ANKRD30BL: variants seen among roughly 807,000 people sequenced by gnomAD.
ANKRD30BL encodes ankyrin repeat domain 30B like, also known as putative ankyrin repeat domain-containing protein 30B-like.
In ANKRD30BL, 20 loss-of-function variants were observed where a neutral mutation model predicts 18.4. The ratio of observed to expected loss-of-function variants is 1.09; its 90% CI spans 0.77 to 1.58. The LOEUF (loss-of-function observed/expected upper bound fraction) is 1.58, where lower values mean the gene tolerates loss of function less well. Ranked by LOEUF, ANKRD30BL falls within the 40% of genes most tolerant of loss-of-function variation. ANKRD30BL has a pLI of 0.00. For synonymous variants in ANKRD30BL, 72 were observed against 100.9 expected (o/e 0.71, Z 1.72); for missense variants, 224 against 268.6 (o/e 0.83, Z 1.16).
intron 1 of ANKRD30BL, among the ~76,000 whole-genome samples, chr2:132,207,109 C>T (rs955661812): frequency 6.6e-6 from 1 of 152,132 alleles, no homozygotes; most frequent in African/African-American, 2.4e-5. Context: ...GTCATACCCT[C>T]ACAGACATCA....
At chr2:132,193,934 C>A (rs1372278316) in intron 1 of ANKRD30BL, among the ~76,000 whole-genome samples, 3 of 151,524 alleles carry the variant, frequency 2.0e-5, no homozygotes, top group Admixed American at 6.6e-5. Context: ...GTCCAGTAAC[C>A]AAAAGACAAG....
chr2:132,160,014 T>A (rs1688012414), intron 1 of ANKRD30BL, among the ~76,000 whole-genome samples: 1 of 152,232 alleles, frequency 6.6e-6, no homozygotes, highest in Non-Finnish European at 1.5e-5. Context: ...ATTATCAAGT[T>A]CTAAATTCTT....
chr2:132,184,231 C>A (rs879998114), intron 1 of ANKRD30BL, among the ~76,000 whole-genome samples: 1 of 152,068 alleles, frequency 6.6e-6, no homozygotes, highest in East Asian at 1.9e-4. Flanking sequence ...TGCCACCATG[C>A]CTGGCTAATT....
chr2:132,222,204 A>T (rs1679710962), intron 1 of ANKRD30BL, among the ~76,000 whole-genome samples: 1 of 137,428 alleles, frequency 7.3e-6, no homozygotes, highest in Non-Finnish European at 1.6e-5. Flanking sequence ...CCCGTCCGGG[A>T]GGGTGGTGGG....
chr2:132,203,899 T>C lies in ANKRD30BL; in HGVS notation n.442-46753A>G, dbSNP rs143887627. Among the ~76,000 whole-genome samples the C allele has an allele frequency of 5.6e-4, 86 of 152,272 alleles. 1 individual carries two copies. In the East Asian group the frequency reaches 0.016, roughly 28 times the overall value. On this transcript the variant is annotated intron_variant and non_coding_transcript_variant, in intron 1 of 4. Coordinates refer to the ANKRD30BL transcript ENST00000470729. ...TGATTGATGTTTAGATACTTTCAGA[T>C]GGCTTGTAATCTTGTACTTTCAACA... is the stretch of plus-strand genomic sequence containing the variant.
intron 1 of ANKRD30BL, among the ~76,000 whole-genome samples, chr2:132,167,737 T>C (rs573806665): frequency 5.9e-5 from 9 of 152,344 alleles, no homozygotes; most frequent in Non-Finnish European, 4.4e-5. Context: ...TTTCTTAGGA[T>C]TGATTATATG....
intron 1 of ANKRD30BL, among the ~76,000 whole-genome samples, chr2:132,247,223 A>G (rs1010838781): frequency 5.3e-5 from 8 of 150,484 alleles, no homozygotes; most frequent in African/African-American, 1.5e-4. Context: ...AGAGTTGAAC[A>G]TTCCCTTTCA....
chr2:132,225,363 T>C (rs1311853801), intron 1 of ANKRD30BL, among the ~76,000 whole-genome samples: 1 of 152,142 alleles, frequency 6.6e-6, no homozygotes, highest in Non-Finnish European at 1.5e-5. Flanking sequence ...GAAACTTCTT[T>C]GTGATGTTTG....
chr2:132,162,968 G>T (rs1052615275), upstream of ANKRD30BL, among the ~76,000 whole-genome samples: 6 of 150,820 alleles, frequency 4.0e-5, no homozygotes, highest in African/African-American at 1.5e-4. Flanking sequence ...GGGCTTCAAG[G>T]TTCCTGAGAG....
chr2:132,187,377 T>C (rs1487617650), intron 1 of ANKRD30BL, among the ~76,000 whole-genome samples: 2 of 151,896 alleles, frequency 1.3e-5, no homozygotes, highest in African/African-American at 4.8e-5. Flanking sequence ...GTAGTTTTAG[T>C]AGAGATGGGG....
At chr2:132,220,284 C>G (rs1024481520) in intron 1 of ANKRD30BL, among the ~76,000 whole-genome samples, 32 of 146,318 alleles carry the variant, frequency 2.2e-4, no homozygotes, top group African/African-American at 8.0e-4. Context: ...TTTTTGGCCT[C>G]TCCCTCTCCC....
Position 132,173,450 on chromosome 2 carries a change from C to T in ANKRD30BL, n.442-16304G>A, listed in dbSNP as rs571201518. On this transcript the variant is annotated intron_variant and non_coding_transcript_variant, in intron 1 of 4. Transcript: ENST00000470729. ...AAGTAGCTGGGACTACAGGCCACCA[C>T]GCCCGGCTAATTTTGGTTTTGTACT... 2.0e-4 allele frequency among the ~76,000 whole-genome samples: 30 copies of T among 152,004 alleles called. No homozygotes were observed. In the South Asian group the frequency reaches 4.2e-3, roughly 21 times the overall value.
chr2:132,256,116 C>G (rs1261586965), intron 1 of ANKRD30BL, among the ~76,000 whole-genome samples: 5 of 152,258 alleles, frequency 3.3e-5, no homozygotes, highest in African/African-American at 1.2e-4. Context: ...CGCAGTTTTA[C>G]TGTACCAGCC....
chr2:132,253,192 C>A, intron 1 of ANKRD30BL: 1 of 214,900 alleles, frequency 4.7e-6, no homozygotes. Context: ...GGAACCCGGG[C>A]CGCAAGTGCA....
chr2:132,153,069 C>T (rs1687801633), intron 4 of ANKRD30BL, among the ~76,000 whole-genome samples: 1 of 152,152 alleles, frequency 6.6e-6, no homozygotes, highest in Admixed American at 6.5e-5. Flanking sequence ...CAATCATTAC[C>T]AGACTGCAGG....
At chr2:132,180,930 G>A (rs1197734924) in intron 1 of ANKRD30BL, among the ~76,000 whole-genome samples, 1 of 151,952 alleles carries the variant, frequency 6.6e-6, no homozygotes, top group Non-Finnish European at 1.5e-5. Flanking sequence ...GGTGGATCAT[G>A]AGGTCAGGAC....
intron 4 of ANKRD30BL, chr2:132,152,250 T>C (rs1488903464): frequency 6.6e-6 from 1 of 152,226 alleles, no homozygotes; most frequent in Non-Finnish European, 1.5e-5. Context: ...CCAAGAAATA[T>C]GCAACACCTT....
rs764978553 is a variant in ANKRD30BL at position 132,154,682 on chromosome 2, A to T, written c.594T>A (p.Asn198Lys). 1.4e-6 allele frequency: 1 copy of T among 724,516 alleles called. No individual in the cohort carries two copies. Among genetic ancestry groups the T allele is most frequent in the South Asian group, 1.5e-5 (1 of 68,070 alleles). 44.9% of individuals were successfully genotyped at this position (724,516 alleles called of 1,614,324 possible). Residue 198 changes from asparagine (N) to lysine (K), a missense_variant, in exon 4 of 6, where the codon AAT (asparagine) becomes AAA (lysine). Asn to Lys is a moderately conservative substitution (Grantham distance 94). Around this residue, in one of 3 missense-constraint regions of ANKRD30BL, gnomAD observed 63 missense variants for 62.3 expected, o/e 1.01. Transcript: ENST00000409867. ...EFLLTKNANA[N>K]AVDKFKCVHQ... is the part of the protein sequence containing the mutation. ...TATACCATTTAAACTTATCAACTGC[A>T]TTTGCATTTGCATTTTTTGTCAGTA...
intron 1 of ANKRD30BL, among the ~76,000 whole-genome samples, chr2:132,180,901 A>C (rs1421676088): frequency 6.6e-6 from 1 of 152,090 alleles, no homozygotes; most frequent in Non-Finnish European, 1.5e-5. Flanking sequence ...TAATCCCAGC[A>C]CTTTGGGAGG....
Sources: allele counts gnomAD v4.1 joint callset (sites outside exome capture counted in the v4.1 genomes callset), GRCh38; gene constraint gnomAD v4.1.1; regional missense constraint gnomAD v4.1.1; transcripts MANE v1.5; gene names NCBI Gene and HGNC (gene_info 2026-07-23, HGNC 2026-07-21).